The following ADAMTS19 variants were observed in gnomAD, a reference collection of about 807,000 sequenced individuals.
ADAMTS19 encodes the protein A disintegrin and metalloproteinase with thrombospondin motifs 19.
Under a neutral mutation model 153.3 loss-of-function variants are expected in ADAMTS19, and 93 were observed. That is an observed-to-expected ratio of 0.61 (90% CI 0.51 to 0.72). The LOEUF (loss-of-function observed/expected upper bound fraction) is 0.72. Among genes scored for constraint, ADAMTS19 ranks in the 30% least tolerant of loss-of-function variants. The pLI is 0.00. For missense variants in ADAMTS19, 1,482 were observed against 1,552.1 expected (o/e 0.95, Z 0.76); for synonymous variants, 600 against 556.6 (o/e 1.08, Z -1.10).
At chr5:129,470,330 A>C (rs1750021694) in intron 2 of ADAMTS19, among the ~76,000 whole-genome samples, 1 of 152,160 alleles carries the variant, frequency 6.6e-6, no homozygotes, top group Admixed American at 6.5e-5. Context: ...ATGTCTTTGT[A>C]TTTGCAAAAT....
chr5:129,608,419 T>C (rs184149080), intron 8 of ADAMTS19, among the ~76,000 whole-genome samples: 33 of 151,948 alleles, frequency 2.2e-4, no homozygotes, highest in Non-Finnish European at 3.5e-4. Flanking sequence ...AGGCCTAATG[T>C]ACAGCATGAT....
intron 10 of ADAMTS19, among the ~76,000 whole-genome samples, chr5:129,631,939 T>C (rs1752317027): frequency 6.6e-6 from 1 of 152,098 alleles, no homozygotes; most frequent in Admixed American, 6.6e-5. Context: ...TTTTATATTA[T>C]TTGAATTCTC....
At chr5:129,577,459 T>C in intron 7 of ADAMTS19, among the ~76,000 whole-genome samples, 1 of 152,106 alleles carries the variant, frequency 6.6e-6, no homozygotes. Flanking sequence ...AAATAAGGGA[T>C]AATCCGGGAG....
chr5:129,479,593 G>A (rs533206811), intron 2 of ADAMTS19, among the ~76,000 whole-genome samples: 2 of 152,258 alleles, frequency 1.3e-5, no homozygotes, highest in South Asian at 4.1e-4. Context: ...TAAAACAAAC[G>A]TGCGAGGTTT....
intron 14 of ADAMTS19, among the ~76,000 whole-genome samples, chr5:129,656,020 A>G (rs192638552): frequency 7.2e-5 from 11 of 152,310 alleles, no homozygotes; most frequent in Non-Finnish European, 1.5e-4. Flanking sequence ...TTATATATAA[A>G]TCTGTTAGAT....
At chr5:129,647,219 A>G (rs1380922823) in intron 11 of ADAMTS19, among the ~76,000 whole-genome samples, 9 of 148,560 alleles carry the variant, frequency 6.1e-5, no homozygotes, top group African/African-American at 2.0e-4. Context: ...TTTCAGAAAA[A>G]AAAAAAAAAA....
At chr5:129,690,331 G>A (rs17163071) in intron 18 of ADAMTS19, among the ~76,000 whole-genome samples, 6,747 of 152,304 alleles carry the variant, frequency 0.044, 457 homozygotes, top group African/African-American at 0.15. Flanking sequence ...ATAGTGTAAA[G>A]TATGAGGATT....
intron 7 of ADAMTS19, among the ~76,000 whole-genome samples, chr5:129,556,399 A>G (rs761534671): frequency 6.6e-6 from 1 of 152,180 alleles, no homozygotes; most frequent in African/African-American, 2.4e-5. Flanking sequence ...AATAAAGTAT[A>G]TTTCATTGTG....
rs1055710029 is a variant in ADAMTS19 at position 129,552,141 on chromosome 5, C to T, written c.1372+234C>T. On this transcript the variant is annotated intron_variant, in intron 7 of 22. Transcript: ENST00000274487. ...GTGATGCTTTAAGGCTATAATTAGT[C>T]CTTTTTTGTTATTTTCTCAGAGATA... Among the ~76,000 whole-genome samples the T allele has an allele frequency of 2.0e-5, 3 of 151,588 alleles. No individual in the cohort carries two copies. The East Asian group carries it at 5.8e-4, about 29-fold the overall frequency.
intron 20 of ADAMTS19, among the ~76,000 whole-genome samples, chr5:129,703,306 T>C (rs761858429): frequency 3.9e-5 from 6 of 151,976 alleles, no homozygotes; most frequent in Non-Finnish European, 7.4e-5. Context: ...AATATACATA[T>C]GTGCTTTTAT....
chr5:129,648,043 A>G (rs1471324977), intron 12 of ADAMTS19, 148 bp downstream of exon 12: 2 of 829,270 alleles, frequency 2.4e-6, no homozygotes, highest in Non-Finnish European at 3.4e-6. Context: ...TATTTATTTT[A>G]TATAAAAACT....
intron 19 of ADAMTS19, among the ~76,000 whole-genome samples, chr5:129,701,168 T>C (rs1184184238): frequency 1.3e-5 from 2 of 150,358 alleles, no homozygotes; most frequent in African/African-American, 4.9e-5. Flanking sequence ...ACACACCCTC[T>C]CTTGCCTCCT....
chr5:129,735,159 T>A (rs141299071), intron 22 of ADAMTS19, 50 bp downstream of exon 22: 69 of 1,457,738 alleles, frequency 4.7e-5, no homozygotes, highest in Non-Finnish European at 6.1e-5. Context: ...GAAATGCTTA[T>A]GGCTTCTTGT....
Position 129,580,481 on chromosome 5 carries a change from T to G in ADAMTS19, c.1373-16078T>G, listed in dbSNP as rs565486638. ...ACGTCCAATATATGTTAAATAGGAG[T>G]AGTGAAAGAGGGCATCCTTGTCTTG... On this transcript the variant is annotated intron_variant, in intron 7 of 22. Transcript: ENST00000274487. Among the ~76,000 whole-genome samples the G allele has an allele frequency of 2.5e-3, 384 of 152,236 alleles. 1 individual carries two copies. Among genetic ancestry groups the G allele is most frequent in the African/African-American group, 8.8e-3 (364 of 41,538 alleles).
At chr5:129,570,615 G>A (rs941453729) in intron 7 of ADAMTS19, among the ~76,000 whole-genome samples, 1 of 130,566 alleles carries the variant, frequency 7.7e-6, no homozygotes, top group Non-Finnish European at 1.7e-5. Context: ...CCAAACTAAG[G>A]AGTACAGGAA....
chr5:129,708,590 CAAAAAAAA>C (rs1174701520), intron 21 of ADAMTS19, among the ~76,000 whole-genome samples: 1 of 61,820 alleles, frequency 1.6e-5, no homozygotes, highest in Non-Finnish European at 2.9e-5. Flanking sequence ...AGCAGAGAAG[CAAAAAAAA>C]AAAAAAAAAA....
intron 2 of ADAMTS19, among the ~76,000 whole-genome samples, chr5:129,470,024 A>G (rs1055519477): frequency 6.6e-5 from 10 of 152,254 alleles, no homozygotes; most frequent in African/African-American, 2.4e-4. Flanking sequence ...TACATCGTAC[A>G]TTAAAAATAA....
intron 9 of ADAMTS19, 109 bp from the exon 10 acceptor site, chr5:129,622,089 T>A: frequency 9.5e-7 from 1 of 1,056,870 alleles, no homozygotes; most frequent in Non-Finnish European, 1.4e-6. Context: ...ATGGAAGAGC[T>A]TAGAGATATA....
intron 2 of ADAMTS19, among the ~76,000 whole-genome samples, chr5:129,488,714 C>T (rs1048849607): frequency 2.6e-5 from 4 of 152,130 alleles, no homozygotes; most frequent in South Asian, 2.1e-4. Context: ...CAATTTGTGG[C>T]ACTTTTTATC....
Sources: allele counts gnomAD v4.1 joint callset (sites outside exome capture counted in the v4.1 genomes callset), GRCh38; gene constraint gnomAD v4.1.1; transcripts MANE v1.5; gene names NCBI Gene and HGNC (gene_info 2026-07-23, HGNC 2026-07-21).